HPS3: variants seen among roughly 807,000 people sequenced by gnomAD.
HPS3 encodes the protein HPS3 biogenesis of lysosomal organelles complex 2 subunit 1.
A neutral mutation model predicts 110.9 loss-of-function variants in HPS3; 79 were observed. The ratio of observed to expected loss-of-function variants is 0.71; its 90% CI spans 0.59 to 0.86. HPS3 has a LOEUF of 0.86. Among genes scored for constraint, HPS3 ranks in the 40% least tolerant of loss-of-function variants. The pLI is 0.00. For synonymous variants in HPS3, 428 were observed against 451.0 expected, an observed-to-expected ratio of 0.95 and a Z score of 0.65; for missense variants, 1,197 against 1,206.2, an observed-to-expected ratio of 0.99 and a Z score of 0.11.
At chr3:149,154,999 G>A (rs1723353409) in intron 7 of HPS3, 108 bp from the exon 8 acceptor site, 1 of 721,216 alleles carries the variant, frequency 1.4e-6, no homozygotes, top group African/African-American at 1.8e-5. Context: ...GAGGAAAATA[G>A]TAAATGAAAA....
In HPS3 at chr3:149,141,380, G is replaced by GTAC; in HGVS notation, c.970_970+1insTAC (p.Gly324delinsValArg). The GTAC allele has an allele frequency of 6.2e-7, 1 of 1,610,840 alleles. No homozygotes were observed. Among genetic ancestry groups the GTAC allele is most frequent in the Non-Finnish European group, 8.5e-7 (1 of 1,177,072 alleles). On this transcript the variant is annotated protein_altering_variant and splice_region_variant. Transcript: ENST00000296051. ...CCAGCTGCTACCCATTTACCAGACCGGTAAGCATGACAGTGCAGGAGTGCG... is the reference window on the plus strand; with the variant it reads ...CCAGCTGCTACCCATTTACCAGACCGTACGTAAGCATGACAGTGCAGGAGTGCG...
At chr3:149,158,960 CTT>C (rs1723625655) in intron 10 of HPS3, 114 bp downstream of exon 10, 5 of 736,266 alleles carry the variant, frequency 6.8e-6, no homozygotes, top group South Asian at 5.6e-5. Context: ...CTTTGATACT[CTT>C]TTTCTAAAAA....
intron 1 of HPS3, among the ~76,000 whole-genome samples, chr3:149,134,462 A>T (rs999350425): frequency 6.6e-6 from 1 of 152,178 alleles, no homozygotes; most frequent in Non-Finnish European, 1.5e-5. Context: ...TTCCAAGTGG[A>T]TGTTTATTTT....
Position 149,156,143 on chromosome 3 carries a change from C to G in HPS3, c.1509+928C>G, listed in dbSNP as rs1723443042. On this transcript the variant is annotated intron_variant, in intron 8 of 16. Transcript: ENST00000296051. ...TTTGCTTCTCTCTCTCTTTTATGCA[C>G]TCTGTGCTTTCTGTGCACACAGATA... Among the ~76,000 whole-genome samples, 4 of 152,218 alleles carry G rather than the reference C, an allele frequency of 2.6e-5. No individual in the cohort carries two copies. In the South Asian group the frequency reaches 8.3e-4, roughly 32 times the overall value.
At chr3:149,168,181 GT>G (rs1489428220) in intron 16 of HPS3, 198 bp downstream of exon 16, 3 of 563,298 alleles carry the variant, frequency 5.3e-6, no homozygotes, top group Non-Finnish European at 9.7e-6. Context: ...CAGAACTGAT[GT>G]TCTTTTAACT....
In HPS3 at chr3:149,162,819, TG is replaced by T; in HGVS notation, c.2424del (p.Trp808Ter). ...TTTCAAACTCACATCACAGTACATC[TG>T]GAGATTGTCTAAGAGGCAGCCTCCT... ...LFFKLTSQYI[W>X]RLSKRQPPDT... On this transcript the variant is annotated frameshift_variant, in exon 13 of 17. Transcript: ENST00000296051. LOFTEE classifies it high-confidence loss of function. The T allele has an allele frequency of 6.2e-7, 1 of 1,614,084 alleles. No individual in the cohort carries two copies. Among genetic ancestry groups the T allele is most frequent in the Admixed American group, 1.7e-5 (1 of 59,994 alleles).
At position 149,129,715 on chromosome 3, in the gene HPS3, G is replaced by A. The variant is rs765100467; in HGVS notation, c.-9G>A. On this transcript the variant is annotated 5_prime_UTR_variant, in exon 1 of 17. Coordinates refer to ENST00000296051, the MANE Select transcript of HPS3 (RefSeq NM_032383.5). ...GCGGGCAGGCTGTGCCATCCCGCCG[G>A]ACGTCGGGATGGTGCAGCTGTACAA... The A allele has an allele frequency of 6.4e-7, 1 of 1,572,590 alleles. No individual in the cohort carries two copies. The highest frequency in any genetic ancestry group is 2.3e-5 in the East Asian group (1 of 43,458).
chr3:149,167,951 A>G lies in HPS3; in HGVS notation c.2855A>G (p.Glu952Gly). Residue 952 changes from glutamate (E) to glycine (G), a missense_variant, in exon 16 of 17, where the codon GAG becomes GGG. Physicochemically the swap from Glu to Gly is moderately conservative, Grantham distance 98. Transcript: ENST00000296051. ...ELCQRIKCGGEKYQLYLSSLK... is the reference protein window; with the variant it reads ...ELCQRIKCGGGKYQLYLSSLK... ...TGTCAGAGAATAAAATGTGGTGGAGAGAAGTATCAACTCTACCTGTCATCA... is the reference window on the plus strand; with the variant it reads ...TGTCAGAGAATAAAATGTGGTGGAGGGAAGTATCAACTCTACCTGTCATCA... The G allele has an allele frequency of 2.5e-6, 4 of 1,599,238 alleles. No homozygotes were observed. The highest frequency in any genetic ancestry group is 3.4e-6 in the Non-Finnish European group (4 of 1,166,654).
chr3:149,165,193 T>G (rs1471112240), intron 14 of HPS3, among the ~76,000 whole-genome samples: 1 of 152,182 alleles, frequency 6.6e-6, no homozygotes, highest in Admixed American at 6.5e-5. Flanking sequence ...GTGCTGTAGA[T>G]GTATGGGGAG....
At chr3:149,153,364 G>GT (rs1471998534) in intron 6 of HPS3, 130 bp from the exon 7 acceptor site, 2 of 779,772 alleles carry the variant, frequency 2.6e-6, no homozygotes, top group East Asian at 2.5e-5. Flanking sequence ...TTGTTTGTTT[G>GT]TTTTTTGGTG....
chr3:149,132,040 G>A (rs1384419763), intron 1 of HPS3, among the ~76,000 whole-genome samples: 1 of 152,190 alleles, frequency 6.6e-6, no homozygotes, highest in Non-Finnish European at 1.5e-5. Context: ...TTTAAAGCTA[G>A]CAGAGTTCAG....
intron 1 of HPS3, chr3:149,130,299 T>C: frequency 2.9e-6 from 1 of 348,634 alleles, no homozygotes; most frequent in Non-Finnish European, 5.3e-6. Flanking sequence ...AAAAAACAAG[T>C]AGGAATAAGG....
At chr3:149,139,356 G>C (rs1003775005) in intron 1 of HPS3, among the ~76,000 whole-genome samples, 3 of 152,164 alleles carry the variant, frequency 2.0e-5, no homozygotes, top group African/African-American at 7.2e-5. Flanking sequence ...ATGAGAGAAA[G>C]GTGTTGAAAG....
Position 149,173,070 on chromosome 3 carries a change from G to A in HPS3, c.*848G>A, listed in dbSNP as rs1413596721. On this transcript the variant is annotated 3_prime_UTR_variant, in exon 17 of 17. Transcript: ENST00000296051. ...AAGGCTGGGCAGAAATTCTACTCAT[G>A]TGACATCTGCCACAGGTCTATTTTG... 3 of 152,378 alleles carry A rather than the reference G, an allele frequency of 2.0e-5. No homozygotes were observed. The highest frequency in any genetic ancestry group is 4.4e-5 in the Non-Finnish European group (3 of 68,020). 9.4% of individuals were successfully genotyped at this position (152,378 alleles called of 1,614,324 possible). A position where few individuals can be genotyped will look rare whatever the true frequency, so the allele number is the denominator to read the frequency against.
chr3:149,167,339 C>A, intron 15 of HPS3, 99 bp downstream of exon 15: 2 of 914,072 alleles, frequency 2.2e-6, no homozygotes, highest in Non-Finnish European at 3.5e-6. Context: ...TTATGCTAAT[C>A]CAACATCATA....
At chr3:149,151,203 A>ATTT (rs374361094) in intron 6 of HPS3, among the ~76,000 whole-genome samples, 1 of 146,984 alleles carries the variant, frequency 6.8e-6, no homozygotes, top group African/African-American at 2.5e-5. Context: ...TATTATTATT[A>ATTT]TTTTTTTTTC....
At chr3:149,137,003 A>G (rs537910615) in intron 1 of HPS3, among the ~76,000 whole-genome samples, 8 of 152,352 alleles carry the variant, frequency 5.3e-5, no homozygotes, top group Middle Eastern at 3.4e-3. Context: ...ACTGTTGTAT[A>G]TCAAAAGACT....
intron 16 of HPS3, among the ~76,000 whole-genome samples, chr3:149,169,443 A>T (rs73866989): frequency 0.052 from 7,933 of 152,200 alleles, 681 homozygotes; most frequent in African/African-American, 0.18. Flanking sequence ...TGCAAGAGGG[A>T]GAGGTTGGAG....
intron 13 of HPS3, among the ~76,000 whole-genome samples, chr3:149,163,118 G>A (rs910802974): frequency 1.3e-5 from 2 of 152,156 alleles, no homozygotes; most frequent in South Asian, 2.1e-4. Flanking sequence ...TAATTGCAGT[G>A]GTAGCTCAGT....
Sources: gnomAD v4.1 joint callset for allele counts (sites outside exome capture counted in the v4.1 genomes callset) on GRCh38, gnomAD v4.1.1 for gene constraint, MANE v1.5 for transcripts, NCBI Gene and HGNC (gene_info 2026-07-23, HGNC 2026-07-21) for gene names.